Variants in RPS6KC1 observed in about 807,000 individuals in gnomAD.
The protein encoded by RPS6KC1 is inactive ribosomal protein S6 kinase delta-1.
Under a neutral mutation model 103.8 loss-of-function variants are expected in RPS6KC1, and 54 were observed. The ratio of observed to expected loss-of-function variants is 0.52; its 90% confidence interval spans 0.42 to 0.65. The LOEUF is 0.65. Ranked by LOEUF, RPS6KC1 falls within the 30% of genes least tolerant of loss-of-function variation. RPS6KC1 has a pLI of 0.00. For missense variants in RPS6KC1, 1,151 were observed against 1,253.8 expected (o/e 0.92, Z 1.24); for synonymous variants, 439 against 438.7 (o/e 1.00, Z -0.01).
At chr1:213,859,630 G>A in the RPS6KC1 span, among the ~76,000 whole-genome samples, 2 of 152,148 alleles carry the variant, frequency 1.3e-5, no homozygotes, top group Non-Finnish European at 2.9e-5. Context: ...TGGCTTGTGG[G>A]CTATAGTTTT....
At chr1:213,429,559 T>C in the RPS6KC1 span, among the ~76,000 whole-genome samples, 1 of 152,214 alleles carries the variant, frequency 6.6e-6, no homozygotes, top group Non-Finnish European at 1.5e-5. Flanking sequence ...AAGAATACTT[T>C]TGAGAATTCA....
chr1:213,340,017 C>T, the RPS6KC1 span, among the ~76,000 whole-genome samples: 170 of 152,216 alleles, frequency 1.1e-3, no homozygotes, highest in Non-Finnish European at 2.2e-4. Context: ...CTCAGCCTCC[C>T]GAGTAGCTGG....
chr1:213,240,591 T>C, intron 10 of RPS6KC1, 111 bp from the exon 11 acceptor site: 1 of 878,160 alleles, frequency 1.1e-6, no homozygotes, highest in Non-Finnish European at 1.8e-6. Context: ...ATGGATATTA[T>C]TGACTTGTTT....
the RPS6KC1 span, among the ~76,000 whole-genome samples, chr1:213,353,714 A>T: frequency 1.3e-5 from 2 of 152,182 alleles, no homozygotes; most frequent in Non-Finnish European, 2.9e-5. Flanking sequence ...AGCTCTTATT[A>T]TGAGTCAGGC....
chr1:213,096,916 A>G (rs1396541858), intron 3 of RPS6KC1, among the ~76,000 whole-genome samples: 5 of 152,176 alleles, frequency 3.3e-5, no homozygotes, highest in African/African-American at 1.2e-4. Flanking sequence ...ATAGGTAAAT[A>G]AGGAGGATTG....
At chr1:213,646,193 A>G in the RPS6KC1 span, among the ~76,000 whole-genome samples, 1 of 152,214 alleles carries the variant, frequency 6.6e-6, no homozygotes, top group Non-Finnish European at 1.5e-5. Context: ...GTTAGTTTGG[A>G]GAGGTCTATT....
At chr1:213,459,753 C>A in the RPS6KC1 span, among the ~76,000 whole-genome samples, 1 of 152,272 alleles carries the variant, frequency 6.6e-6, no homozygotes, top group East Asian at 1.9e-4. Flanking sequence ...CTAAACACTG[C>A]TTTAGCTATG....
intron 6 of RPS6KC1, among the ~76,000 whole-genome samples, chr1:213,163,676 A>T (rs918823054): frequency 3.4e-5 from 5 of 147,430 alleles, no homozygotes; most frequent in African/African-American, 1.2e-4. Flanking sequence ...ATGCCTCTTG[A>T]TTTTTTTTTT....
chr1:213,571,975 GC>G, the RPS6KC1 span, among the ~76,000 whole-genome samples: 3 of 152,194 alleles, frequency 2.0e-5, no homozygotes, highest in African/African-American at 7.2e-5. Context: ...GATTCACACG[GC>G]CTTGGGATTT....
intron 14 of RPS6KC1, among the ~76,000 whole-genome samples, chr1:213,269,877 C>G (rs1331112109): frequency 6.6e-6 from 1 of 151,620 alleles, no homozygotes; most frequent in Non-Finnish European, 1.5e-5. Flanking sequence ...CAGTGAGACC[C>G]TGTCTCTAAA....
chr1:213,656,669 C>T, the RPS6KC1 span, among the ~76,000 whole-genome samples: 1 of 152,054 alleles, frequency 6.6e-6, no homozygotes, highest in African/African-American at 2.4e-5. Context: ...GGTCCAGGGT[C>T]CATTCCTCTG....
At chr1:213,746,422 G>A in the RPS6KC1 span, among the ~76,000 whole-genome samples, 1 of 152,208 alleles carries the variant, frequency 6.6e-6, no homozygotes, top group East Asian at 1.9e-4. Context: ...CACTAAGGAG[G>A]CCAGTGTGAC....
the RPS6KC1 span, among the ~76,000 whole-genome samples, chr1:213,755,280 C>A: frequency 6.6e-6 from 1 of 152,188 alleles, no homozygotes; most frequent in Admixed American, 6.5e-5. Context: ...TTTGCACCAA[C>A]CTAATGCAAC....
At chr1:213,403,752 A>G in the RPS6KC1 span, among the ~76,000 whole-genome samples, 21 of 152,154 alleles carry the variant, frequency 1.4e-4, no homozygotes, top group Non-Finnish European at 2.8e-4. Context: ...ATAGATGCAT[A>G]AACACTTATC....
chr1:213,266,245 A>G (rs113522343), intron 14 of RPS6KC1, among the ~76,000 whole-genome samples: 1,596 of 152,346 alleles, frequency 0.01, 31 homozygotes, highest in African/African-American at 0.036. Context: ...CTGGCATATA[A>G]TAGGCAAACA....
the RPS6KC1 span, among the ~76,000 whole-genome samples, chr1:213,573,942 C>T: frequency 6.6e-6 from 1 of 152,156 alleles, no homozygotes; most frequent in African/African-American, 2.4e-5. Flanking sequence ...GGCAGGTGGC[C>T]AGACAGGCAG....
intron 3 of RPS6KC1, among the ~76,000 whole-genome samples, chr1:213,094,093 C>A (rs116831273): frequency 6.6e-5 from 10 of 151,590 alleles, no homozygotes; most frequent in East Asian, 1.9e-4. Context: ...GCTCCCCCCC[C>A]CCACCAAGAG....
the RPS6KC1 span, among the ~76,000 whole-genome samples, chr1:213,323,048 G>A: frequency 6.7e-6 from 1 of 150,172 alleles, no homozygotes; most frequent in African/African-American, 2.5e-5. Flanking sequence ...ACAGGTGTGA[G>A]CCACTGCGCT....
chr1:213,773,706 G>A, the RPS6KC1 span, among the ~76,000 whole-genome samples: 1 of 152,014 alleles, frequency 6.6e-6, no homozygotes, highest in African/African-American at 2.4e-5. Context: ...GCAGACCTGA[G>A]GTGGAATTTC....
Sources: allele counts gnomAD v4.1 joint callset (sites outside exome capture counted in the v4.1 genomes callset), GRCh38; gene constraint gnomAD v4.1.1; transcripts MANE v1.5; gene names NCBI Gene and HGNC (gene_info 2026-07-23, HGNC 2026-07-21).